Variants in TEKT2 observed in about 807,000 individuals in gnomAD.
The protein encoded by TEKT2 is tektin 2, also known as tektin-2.
A neutral mutation model predicts 49.8 loss-of-function variants in TEKT2; 45 were observed. The ratio of observed to expected loss-of-function variants is 0.90; its 90% CI spans 0.71 to 1.16. The LOEUF is 1.16. Ranked by LOEUF, TEKT2 falls within the 50% of genes most tolerant of loss-of-function variation. The pLI is 0.00. For missense variants in TEKT2, 523 were observed against 551.4 expected (o/e 0.95, Z 0.52); for synonymous variants, 202 against 224.6 (o/e 0.90, Z 0.90).
rs577196821 is a variant in TEKT2 at position 36,084,844 on chromosome 1, C to T, written c.-52-26C>T. On this transcript the variant is annotated intron_variant, in intron 1 of 9. Coordinates refer to ENST00000207457, the MANE Select transcript of TEKT2 (RefSeq NM_014466.3). This position sits in a 1 kb window ranked among gnomAD's most constrained non-coding sequence, Gnocchi z 4.1. ...ATCCAGGAGGTCTCCGGAAAGGTCT[C>T]CCGCAGCAGTGTTTTCCCTCTGCAG... 24 of 1,605,942 alleles carry T rather than the reference C, an allele frequency of 1.5e-5. No homozygotes were observed. The highest frequency in any genetic ancestry group is 1.8e-5 in the Non-Finnish European group (21 of 1,175,224).
At position 36,087,307 on chromosome 1, in the gene TEKT2, A is replaced by C. The variant is rs1461262139; in HGVS notation, c.851A>C (p.Lys284Thr). The part of the protein sequence containing the change: ...KVYSELKWQE[K>T]NTLEEIAELQ... Reference sequence around the variant, plus strand: ...TACAGTGAGCTCAAGTGGCAAGAGAAGAATGTGAGCATCTCCAGGGGCCTG... The same window carrying C: ...TACAGTGAGCTCAAGTGGCAAGAGACGAATGTGAGCATCTCCAGGGGCCTG... The change falls in exon 7 of 10, where the codon AAG becomes ACG. Residue 284 changes from lysine to threonine, a missense_variant. Transcript: ENST00000207457. The surrounding 1 kb of genome is among the most constrained non-coding windows in gnomAD (Gnocchi z 4.9). 1.4e-5 allele frequency: 22 copies of C among 1,614,008 alleles called. No homozygotes were observed. Among genetic ancestry groups the C allele is most frequent in the Non-Finnish European group, 1.7e-5 (20 of 1,180,038 alleles).
chr1:36,085,237 G>A lies in TEKT2; in HGVS notation c.231G>A (p.Met77Ile). ...RIDTVNRWKEMLDKCLTDLDA... is the reference protein window; with the variant it reads ...RIDTVNRWKEILDKCLTDLDA... ...ATACTGTCAACCGGTGGAAGGAGAT[G>A]CTGGACAAGTGTCTGACAGATTTAG... The change falls in exon 3 of 10, where the codon ATG becomes ATA. Residue 77 changes from methionine to isoleucine, a missense_variant. Coordinates refer to ENST00000207457, the MANE Select transcript of TEKT2 (RefSeq NM_014466.3). The A allele has an allele frequency of 6.2e-7, 1 of 1,614,198 alleles. No homozygotes were observed. Among genetic ancestry groups the A allele is most frequent in the South Asian group, 1.1e-5 (1 of 91,086 alleles).
rs750261155 is a variant in TEKT2, at chr1:36,087,505, C to A, written c.922C>A (p.Leu308Ile). The change falls in exon 8 of 10, where the codon CTC becomes ATC. Residue 308 changes from leucine (L) to isoleucine (I), a missense_variant. Transcript: ENST00000207457. This position sits in a 1 kb window ranked among gnomAD's most constrained non-coding sequence, Gnocchi z 4.9. ...RHLEEDLRTK[L>I]LSLKLSHTRL... ...CCTGGAGGAGGATCTGCGCACAAAG[C>A]TCCTGAGCCTGAAGCTGTCCCATAC... 6.2e-7 allele frequency: 1 copy of A among 1,613,824 alleles called. No individual in the cohort carries two copies. The highest frequency in any genetic ancestry group is 2.2e-5 in the East Asian group (1 of 44,878).
chr1:36,085,134 C>T, intron 2 of TEKT2, 29 bp from the exon 3 acceptor site: 1 of 1,614,248 alleles, frequency 6.2e-7, no homozygotes, highest in Non-Finnish European at 8.5e-7. Context: ...CCCCTTGACA[C>T]CCTCTCTATC....
Position 36,085,254 on chromosome 1 carries a change from C to T in TEKT2, c.248C>T (p.Thr83Ile). 6.2e-7 allele frequency: 1 copy of T among 1,614,162 alleles called. No individual in the cohort carries two copies. The highest frequency in any genetic ancestry group is 1.7e-5 in the Admixed American group (1 of 60,034). ...AAGGAGATGCTGGACAAGTGTCTGA[C>T]AGATTTAGATGCCGAGATCGATGCC... The part of the protein sequence containing the change: ...RWKEMLDKCL[T>I]DLDAEIDALT... The change falls in exon 3 of 10, where the codon ACA becomes ATA. Residue 83 changes from threonine (T) to isoleucine (I), a missense_variant. By Grantham distance (89) the Thr-to-Ile change is moderately conservative. Transcript: ENST00000207457.
At position 36,087,038 on chromosome 1, in the gene TEKT2, T is replaced by C. The variant is rs1315491455; in HGVS notation, c.740T>C (p.Ile247Thr). Residue 247 changes from isoleucine to threonine, a missense_variant, in exon 6 of 10, where the codon ATT (isoleucine) becomes ACT (threonine). Ile to Thr is a moderately conservative substitution (Grantham distance 89). Transcript: ENST00000207457. This position sits in a 1 kb window ranked among gnomAD's most constrained non-coding sequence, Gnocchi z 4.9. ...CTGAGGGAGGCCACTGCTCTAACTA[T>C]TGCTGAGGTGACAGGCCACCCACAG... ...TELREATALTIAETNNELEAQ... is the reference protein window; with the variant it reads ...TELREATALTTAETNNELEAQ... 1 of 1,613,842 alleles carries C rather than the reference T, an allele frequency of 6.2e-7. No individual in the cohort carries two copies. The highest frequency in any genetic ancestry group is 2.2e-5 in the East Asian group (1 of 44,892).
In TEKT2 at chr1:36,087,155, G is replaced by A; in HGVS notation, c.748-49G>A. 6.2e-7 allele frequency: 1 copy of A among 1,609,056 alleles called. No homozygotes were observed. Among genetic ancestry groups the A allele is most frequent in the Non-Finnish European group, 8.5e-7 (1 of 1,175,748 alleles). On this transcript the variant is annotated intron_variant, in intron 6 of 9. Transcript: ENST00000207457. This position sits in a 1 kb window ranked among gnomAD's most constrained non-coding sequence, Gnocchi z 4.9. ...GCCCCTCGCTTGAGTAATATCCTCA[G>A]GCAGCCCTGAGTGTAGACCCTCCCC...
rs753255423 is a variant in TEKT2, at chr1:36,084,984, C to T, written c.63C>T (p.Ser21=). ...RFQLPDWHTN[S]YLLSTNAQLQ... Reference sequence around the variant, plus strand: ...AGCTGCCCGACTGGCACACTAACAGCTACCTGCTATCCACCAATGCCCAGC... The same window carrying T: ...AGCTGCCCGACTGGCACACTAACAGTTACCTGCTATCCACCAATGCCCAGC... Residue 21 remains serine, a synonymous_variant, in exon 2 of 10, where the codon AGC becomes AGT. Coordinates refer to ENST00000207457, the MANE Select transcript of TEKT2 (RefSeq NM_014466.3). This position sits in a 1 kb window ranked among gnomAD's most constrained non-coding sequence, Gnocchi z 4.1. 1 of 1,613,950 alleles carries T rather than the reference C, an allele frequency of 6.2e-7. No homozygotes were observed. The highest frequency in any genetic ancestry group is 1.1e-5 in the South Asian group (1 of 91,094).
Position 36,085,822 on chromosome 1 carries a change from G to A in TEKT2, c.283-14G>A, listed in dbSNP as rs183867041. 4.3e-5 allele frequency: 69 copies of A among 1,611,470 alleles called. No individual in the cohort carries two copies. Among genetic ancestry groups the A allele is most frequent in the South Asian group, 7.7e-5 (7 of 90,630 alleles). ...GATGTGAGCCACCGTGCCCGGCCGCGCCCTCTTTTCTAGATGAAGGAGTCA... is the reference window on the plus strand; with the variant it reads ...GATGTGAGCCACCGTGCCCGGCCGCACCCTCTTTTCTAGATGAAGGAGTCA... On this transcript the variant is annotated splice_polypyrimidine_tract_variant and intron_variant, in intron 3 of 9. Transcript: ENST00000207457.
chr1:36,084,168 CG>C lies in TEKT2; in HGVS notation c.-53+24del, dbSNP rs1643327865. 1 of 152,516 alleles carries C rather than the reference CG, an allele frequency of 6.6e-6. No homozygotes were observed. Among genetic ancestry groups the C allele is most frequent in the Non-Finnish European group, 1.5e-5 (1 of 68,194 alleles). 9.4% of individuals were successfully genotyped at this position (152,516 alleles called of 1,614,324 possible). A position where few individuals can be genotyped will look rare whatever the true frequency, so the allele number is the denominator to read the frequency against. On this transcript the variant is annotated intron_variant, in intron 1 of 9. Transcript: ENST00000207457. The surrounding 1 kb of genome is among the most constrained non-coding windows in gnomAD (Gnocchi z 4.1). ...AAAGGAGGTAAGGGAGCTAGGGAAG[CG>C]GGGGCGCCCCCTTCCTCCGCGCTGG... is the stretch of plus-strand genomic sequence containing the variant.
chr1:36,085,780 G>A lies in TEKT2; in HGVS notation c.283-56G>A, dbSNP rs759792286. The A allele has an allele frequency of 1.1e-4, 179 of 1,561,306 alleles. 1 individual carries two copies. The South Asian group carries it at 1.8e-3, about 16-fold the overall frequency. On this transcript the variant is annotated intron_variant, in intron 3 of 9. Coordinates refer to ENST00000207457, the MANE Select transcript of TEKT2 (RefSeq NM_014466.3). ...AGTGTTCCATCCAACTCGGCCTCCCGAAGTGCTGGGATTACAGATGTGAGC... is the reference window on the plus strand; with the variant it reads ...AGTGTTCCATCCAACTCGGCCTCCCAAAGTGCTGGGATTACAGATGTGAGC...
rs989265606 is a variant in TEKT2 at position 36,087,430 on chromosome 1, C to G, written c.856-9C>G. Reference sequence around the variant, plus strand: ...AGCAGGTGGAAACCAGTCACTCTGTCCCCTGCAGACCTTGGAGGAGATCGC... The same window carrying G: ...AGCAGGTGGAAACCAGTCACTCTGTGCCCTGCAGACCTTGGAGGAGATCGC... On this transcript the variant is annotated splice_polypyrimidine_tract_variant and intron_variant, in intron 7 of 9. Coordinates refer to ENST00000207457, the MANE Select transcript of TEKT2 (RefSeq NM_014466.3). This position sits in a 1 kb window ranked among gnomAD's most constrained non-coding sequence, Gnocchi z 4.9. 3 of 1,613,706 alleles carry G rather than the reference C, an allele frequency of 1.9e-6. No homozygotes were observed. In the African/African-American group the frequency reaches 4.0e-5, roughly 22 times the overall value.
chr1:36,086,650 G>C, intron 4 of TEKT2, 54 bp from the exon 5 acceptor site: 2 of 1,613,226 alleles, frequency 1.2e-6, no homozygotes, highest in Non-Finnish European at 1.7e-6. Context: ...AGTACAGTGA[G>C]GCCTGCCTCT....
rs1432693168 is a variant in TEKT2 at position 36,087,173 on chromosome 1, C to A, written c.748-31C>A. 2 of 1,612,532 alleles carry A rather than the reference C, an allele frequency of 1.2e-6. No individual in the cohort carries two copies. Among genetic ancestry groups the A allele is most frequent in the African/African-American group, 1.3e-5 (1 of 74,868 alleles). The stretch of plus-strand genomic sequence containing the variant: ...ATCCTCAGGCAGCCCTGAGTGTAGA[C>A]CCTCCCCTTGCCCTGTGTTTTCTCC... On this transcript the variant is annotated intron_variant, in intron 6 of 9. Transcript: ENST00000207457. This position sits in a 1 kb window ranked among gnomAD's most constrained non-coding sequence, Gnocchi z 4.9.
chr1:36,084,862 C>T lies in TEKT2; in HGVS notation c.-52-8C>T. 1.2e-6 allele frequency: 2 copies of T among 1,611,086 alleles called. No individual in the cohort carries two copies. The highest frequency in any genetic ancestry group is 2.2e-5 in the East Asian group (1 of 44,878). ...AAGGTCTCCCGCAGCAGTGTTTTCC[C>T]TCTGCAGGTGGTGTCTGTGAACAGG... On this transcript the variant is annotated splice_region_variant and splice_polypyrimidine_tract_variant and intron_variant, in intron 1 of 9. Coordinates refer to ENST00000207457, the MANE Select transcript of TEKT2 (RefSeq NM_014466.3). The surrounding 1 kb of genome is among the most constrained non-coding windows in gnomAD (Gnocchi z 4.1).
rs569574819 is a variant in TEKT2, at chr1:36,088,245, G to A, written c.*59G>A. The A allele has an allele frequency of 1.7e-5, 24 of 1,427,068 alleles. No homozygotes were observed. In the South Asian group the frequency reaches 2.7e-4, roughly 16 times the overall value. 88.4% of individuals were successfully genotyped at this position (1,427,068 alleles called of 1,614,324 possible). ...GTGGGCAATGGAAGGAGGGAGGAGA[G>A]AAATGAATGGAATAAATGCAGAGGA... On this transcript the variant is annotated 3_prime_UTR_variant, in exon 10 of 10. Transcript: ENST00000207457.
In TEKT2 at chr1:36,088,117, G is replaced by A; in HGVS notation, c.1224G>A (p.Val408=). 1 of 1,613,132 alleles carries A rather than the reference G, an allele frequency of 6.2e-7. No individual in the cohort carries two copies. The highest frequency in any genetic ancestry group is 1.1e-5 in the South Asian group (1 of 91,076). ...CTGCTGAGAGGTTCGTGCCTGAGGT[G>A]GACACCTTCACACGTACCACAAATA... ...TVPAERFVPE[V]DTFTRTTNST... is the part of the protein sequence containing the mutation. The change falls in exon 10 of 10, where the codon GTG becomes GTA. Residue 408 remains valine, a synonymous_variant. Transcript: ENST00000207457.
rs1557730602 is a variant in TEKT2 at position 36,087,362 on chromosome 1, T to C, written c.855+51T>C. On this transcript the variant is annotated intron_variant, in intron 7 of 9. Coordinates refer to ENST00000207457, the MANE Select transcript of TEKT2 (RefSeq NM_014466.3). This position sits in a 1 kb window ranked among gnomAD's most constrained non-coding sequence, Gnocchi z 4.9. ...TCCTGCTGTGGGATGAGAAGCCGCA[T>C]GCCCCCGCCAGGAGGCACTGGACCA... 2 of 1,613,786 alleles carry C rather than the reference T, an allele frequency of 1.2e-6. No individual in the cohort carries two copies. The highest frequency in any genetic ancestry group is 1.7e-6 in the Non-Finnish European group (2 of 1,179,914).
In TEKT2 at chr1:36,084,805, G is replaced by A. The variant is rs765171470; in HGVS notation, c.-52-65G>A. On this transcript the variant is annotated intron_variant, in intron 1 of 9. Coordinates refer to ENST00000207457, the MANE Select transcript of TEKT2 (RefSeq NM_014466.3). The surrounding 1 kb of genome is among the most constrained non-coding windows in gnomAD (Gnocchi z 4.1). ...CAAAATGGACAGGAACAAGTCCTGC[G>A]CAGGGGGCGTGTGATCCAGGAGGTC... 6 of 1,483,546 alleles carry A rather than the reference G, an allele frequency of 4.0e-6. No individual in the cohort carries two copies. The highest frequency in any genetic ancestry group is 2.3e-5 in the East Asian group (1 of 44,162). 91.9% of individuals were successfully genotyped at this position (1,483,546 alleles called of 1,614,324 possible). A position where few individuals can be genotyped will look rare whatever the true frequency, so the allele number is the denominator to read the frequency against.
Sources: allele counts gnomAD v4.1 joint callset, GRCh38; gene constraint gnomAD v4.1.1; non-coding constraint Gnocchi (gnomAD v3.1); transcripts MANE v1.5; gene names NCBI Gene and HGNC (gene_info 2026-07-23, HGNC 2026-07-21).